The following SMYD2 variants were observed in gnomAD, a reference collection of about 807,000 sequenced individuals.
The protein encoded by SMYD2 is SET and MYND domain containing 2, also known as N-lysine methyltransferase SMYD2.
SMYD2 carries 53 observed loss-of-function variants against 59.1 expected under a neutral mutation model. The observed-to-expected ratio is 0.90, with a 90% confidence interval of 0.72 to 1.13. The LOEUF is 1.13. Ranked by LOEUF, SMYD2 falls within the 50% of genes most tolerant of loss-of-function variation. The pLI, the probability that SMYD2 is intolerant of heterozygous loss-of-function variation, is 0.00. For missense variants in SMYD2, 494 were observed against 544.7 expected, an observed-to-expected ratio of 0.91 and a Z score of 0.93; for synonymous variants, 208 against 198.8, an observed-to-expected ratio of 1.05 and a Z score of -0.39.
intron 7 of SMYD2, among the ~76,000 whole-genome samples, chr1:214,329,380 G>A (rs1259213452): frequency 6.6e-6 from 1 of 152,160 alleles, no homozygotes; most frequent in African/African-American, 2.4e-5. Flanking sequence ...CATCTGTTCA[G>A]TCAGACATTT....
At chr1:214,308,062 T>G (rs1204253294) in intron 2 of SMYD2, among the ~76,000 whole-genome samples, 1 of 152,220 alleles carries the variant, frequency 6.6e-6, no homozygotes, top group East Asian at 1.9e-4. Flanking sequence ...TGATGGAGTT[T>G]CCCCTGCTGC....
intron 1 of SMYD2, among the ~76,000 whole-genome samples, chr1:214,289,582 T>A (rs1283573307): frequency 6.6e-6 from 1 of 152,210 alleles, no homozygotes; most frequent in Non-Finnish European, 1.5e-5. Context: ...TCCCTCTCAT[T>A]TCCTGCTCTT....
chr1:214,327,518 C>A, intron 6 of SMYD2, 104 bp from the exon 7 acceptor site: 1 of 917,578 alleles, frequency 1.1e-6, no homozygotes, highest in Non-Finnish European at 1.8e-6. Flanking sequence ...TAAAAAATGT[C>A]TTGCAAAGAT....
intron 11 of SMYD2, among the ~76,000 whole-genome samples, chr1:214,334,792 C>T (rs551204016): frequency 4.6e-5 from 7 of 152,128 alleles, no homozygotes; most frequent in South Asian, 2.1e-4. Context: ...CTCACAAAAC[C>T]GAGAGGCTTT....
rs1261477109 is a variant in SMYD2, at chr1:214,336,914, TAAACACTG to T, written c.*131_*138del. 22 of 740,174 alleles carry T rather than the reference TAAACACTG, an allele frequency of 3.0e-5. No homozygotes were observed. Among genetic ancestry groups the T allele is most frequent in the Non-Finnish European group, 4.4e-5 (21 of 471,940 alleles). 45.9% of individuals were successfully genotyped at this position (740,174 alleles called of 1,614,324 possible). On this transcript the variant is annotated 3_prime_UTR_variant, in exon 12 of 12. Coordinates refer to ENST00000366957, the MANE Select transcript of SMYD2 (RefSeq NM_020197.3). ...TTGGAATGAAAATACTTCTTGCACT[TAAACACTG>T]CACATGCCGTACTTTGAGGTTAGTC...
chr1:214,302,534 C>G (rs961591267), intron 1 of SMYD2, among the ~76,000 whole-genome samples: 6 of 152,178 alleles, frequency 3.9e-5, no homozygotes, highest in African/African-American at 1.4e-4. Flanking sequence ...GGGACCCCAG[C>G]AGTCTGTAGA....
chr1:214,299,807 C>T lies in SMYD2; in HGVS notation c.174-5380C>T, dbSNP rs1203493294. Among the ~76,000 whole-genome samples the T allele has an allele frequency of 5.3e-5, 8 of 152,262 alleles. No individual in the cohort carries two copies. The South Asian group carries it at 1.2e-3, about 24-fold the overall frequency. On this transcript the variant is annotated intron_variant, in intron 1 of 11. Coordinates refer to ENST00000366957, the MANE Select transcript of SMYD2 (RefSeq NM_020197.3). ...GTTTTTAGTAGAGACAGGGCTTCAC[C>T]GTGTTAGCCAGGATGGTCTTGATCT...
chr1:214,291,051 A>G lies in SMYD2; in HGVS notation c.173+9624A>G, dbSNP rs539937740. ...CCTCACCAATAAGACACATTTAATTATGAGCCAATAGTATACTCCCTAAGG... is the reference window on the plus strand; with the variant it reads ...CCTCACCAATAAGACACATTTAATTGTGAGCCAATAGTATACTCCCTAAGG... On this transcript the variant is annotated intron_variant, in intron 1 of 11. Coordinates refer to ENST00000366957, the MANE Select transcript of SMYD2 (RefSeq NM_020197.3). 3.3e-5 allele frequency among the ~76,000 whole-genome samples: 5 copies of G among 152,346 alleles called. No homozygotes were observed. The East Asian group carries it at 7.7e-4, about 23-fold the overall frequency.
intron 1 of SMYD2, among the ~76,000 whole-genome samples, chr1:214,302,278 G>A (rs988851232): frequency 2.0e-5 from 3 of 151,158 alleles, no homozygotes; most frequent in African/African-American, 7.3e-5. Context: ...GGTGGAGGCT[G>A]CAGTGAGCCA....
In SMYD2 at chr1:214,281,249, G is replaced by A. The variant is rs767302095; in HGVS notation, c.-6G>A. On this transcript the variant is annotated 5_prime_UTR_variant, in exon 1 of 12. Transcript: ENST00000366957. Reference sequence around the variant, plus strand: ...GCACAGCCGGCGGCCGCGCCCCGCCGCCACCATGAGGGCCGAGGGCCTCGG... The same window carrying A: ...GCACAGCCGGCGGCCGCGCCCCGCCACCACCATGAGGGCCGAGGGCCTCGG... The A allele has an allele frequency of 6.5e-6, 8 of 1,234,756 alleles. No homozygotes were observed. Among genetic ancestry groups the A allele is most frequent in the African/African-American group, 1.6e-5 (1 of 63,710 alleles). The allele number at this position is 1,234,756 out of a possible 1,614,324, so 76.5% of individuals were successfully genotyped here. A position where few individuals can be genotyped will look rare whatever the true frequency, so the allele number is the denominator to read the frequency against.
At chr1:214,334,856 A>C (rs1458884292) in intron 11 of SMYD2, among the ~76,000 whole-genome samples, 1 of 152,224 alleles carries the variant, frequency 6.6e-6, no homozygotes, top group African/African-American at 2.4e-5. Context: ...AGCCTAGGGT[A>C]CATGGTGGGG....
rs57814086 is a variant in SMYD2 at position 214,331,701 on chromosome 1, C to T, written c.938-317C>T. The T allele has an allele frequency of 3.2e-3, 798 of 250,530 alleles. 6 individuals are homozygous for T. The highest frequency in any genetic ancestry group is 0.017 in the African/African-American group (762 of 45,160). 15.5% of individuals were successfully genotyped at this position (250,530 alleles called of 1,614,324 possible). A position where few individuals can be genotyped will look rare whatever the true frequency, so the allele number is the denominator to read the frequency against. ...GAAAGAACTTTGCCACAGTGGGAGT[C>T]GTGCTCAGGGTTCCAACTTGGGTGA... On this transcript the variant is annotated intron_variant, in intron 9 of 11. Coordinates refer to ENST00000366957, the MANE Select transcript of SMYD2 (RefSeq NM_020197.3).
At chr1:214,284,868 T>C (rs1221831534) in intron 1 of SMYD2, among the ~76,000 whole-genome samples, 2 of 152,230 alleles carry the variant, frequency 1.3e-5, no homozygotes, top group Admixed American at 6.5e-5. Flanking sequence ...AGAAATCTGC[T>C]TTAACCCAGT....
rs1656907094 is a variant in SMYD2, at chr1:214,305,764, C to T, written c.237+514C>T. ...TTGGGGCCAGTGCCTCAGGAGCAGC[C>T]AGGGCTGAGGGGTTCAGCATGGATG... On this transcript the variant is annotated intron_variant, in intron 2 of 11. Coordinates refer to ENST00000366957, the MANE Select transcript of SMYD2 (RefSeq NM_020197.3). 3.3e-5 allele frequency among the ~76,000 whole-genome samples: 5 copies of T among 152,172 alleles called. No individual in the cohort carries two copies. In the South Asian group the frequency reaches 1.0e-3, roughly 32 times the overall value.
Position 214,318,957 on chromosome 1 carries a change from G to T in SMYD2, c.508G>T (p.Asp170Tyr). 6.2e-7 allele frequency: 1 copy of T among 1,614,098 alleles called. No homozygotes were observed. Among genetic ancestry groups the T allele is most frequent in the Non-Finnish European group, 8.5e-7 (1 of 1,180,036 alleles). Residue 170 changes from aspartate (D) to tyrosine (Y), a missense_variant, in exon 5 of 12, where the codon GAT becomes TAT. Physicochemically the swap from Asp to Tyr is radical, Grantham distance 160 (BLOSUM62 -3). Coordinates refer to ENST00000366957, the MANE Select transcript of SMYD2 (RefSeq NM_020197.3). This position sits in a 1 kb window ranked among gnomAD's most constrained non-coding sequence, Gnocchi z 5.4. Reference protein sequence around the residue: ...YSKHLGFPDNDSLVVLFAQVN... With the variant: ...YSKHLGFPDNYSLVVLFAQVN... ...CAAGCATCTCGGATTCCCTGACAATGATAGCCTCGTAGTACTCTTTGCACA... is the reference window on the plus strand; with the variant it reads ...CAAGCATCTCGGATTCCCTGACAATTATAGCCTCGTAGTACTCTTTGCACA...
chr1:214,336,781 C>CTGA lies in SMYD2; in HGVS notation c.1300_1302dup. The CTGA allele has an allele frequency of 6.2e-7, 1 of 1,612,842 alleles. No homozygotes were observed. Reference sequence around the variant, plus strand: ...AGATCAAACAGGAAATTGAAAGCCACTGAAACTATGCAGCATTTCAGTTTT... The same window carrying CTGA: ...AGATCAAACAGGAAATTGAAAGCCACTGATGAAACTATGCAGCATTTCAGTTTT... On this transcript the variant is annotated inframe_insertion and stop_retained_variant, in exon 12 of 12. Transcript: ENST00000366957.
In SMYD2 at chr1:214,299,925, G is replaced by A. The variant is rs12088089; in HGVS notation, c.174-5262G>A. Among the ~76,000 whole-genome samples the A allele has an allele frequency of 4.2e-3, 636 of 152,230 alleles. 3 individuals carry two copies. Among genetic ancestry groups the A allele is most frequent in the African/African-American group, 0.015 (615 of 41,526 alleles). On this transcript the variant is annotated intron_variant, in intron 1 of 11. Transcript: ENST00000366957. ...CCAGCCATGTTCTCACTTTGAAGTG[G>A]GAGCTAAACATTGGGTATTCATGGA...
chr1:214,322,369 A>G (rs1438066950), intron 5 of SMYD2, among the ~76,000 whole-genome samples: 1 of 152,218 alleles, frequency 6.6e-6, no homozygotes, highest in Non-Finnish European at 1.5e-5. Context: ...TTGTTAGTCA[A>G]TGTCTGTGTG....
chr1:214,300,818 T>TA (rs1656811818), intron 1 of SMYD2, among the ~76,000 whole-genome samples: 1 of 152,322 alleles, frequency 6.6e-6, no homozygotes, highest in East Asian at 1.9e-4. Flanking sequence ...AAAATAGGAA[T>TA]AATAATAGCT....
Sources: allele counts gnomAD v4.1 joint callset (sites outside exome capture counted in the v4.1 genomes callset), GRCh38; gene constraint gnomAD v4.1.1; non-coding constraint Gnocchi (gnomAD v3.1); transcripts MANE v1.5; gene names NCBI Gene and HGNC (gene_info 2026-07-23, HGNC 2026-07-21).